The following TP73 variants were observed in gnomAD, a reference collection of about 807,000 sequenced individuals.
TP73 encodes tumor protein p73.
Under a neutral mutation model 62.5 loss-of-function variants are expected in TP73, and 25 were observed. The observed-to-expected ratio is 0.40, with a 90% CI of 0.29 to 0.56. TP73 has a LOEUF of 0.56. Among genes scored for constraint, TP73 ranks in the 20% least tolerant of loss-of-function variants. The pLI, the probability that TP73 is intolerant of heterozygous loss-of-function variation, is 0.46. For synonymous variants in TP73, 423 were observed against 377.5 expected (o/e 1.12, Z -1.40); for missense variants, 754 against 913.3 (o/e 0.83, Z 2.25).
At chr1:3,667,594 C>CA (rs1339809478) in intron 1 of TP73, among the ~76,000 whole-genome samples, 12 of 151,760 alleles carry the variant, frequency 7.9e-5, no homozygotes, top group East Asian at 1.9e-4. Flanking sequence ...ACTAAAAATA[C>CA]AAAAAATTAG....
At chr1:3,728,334 G>C in intron 9 of TP73, 117 bp downstream of exon 9, 1 of 1,072,198 alleles carries the variant, frequency 9.3e-7, no homozygotes. Flanking sequence ...GGCGGGAGGA[G>C]CCCAGCCCTG....
chr1:3,731,767 C>A (rs539403805), intron 13 of TP73, among the ~76,000 whole-genome samples: 1 of 152,226 alleles, frequency 6.6e-6, no homozygotes, highest in Non-Finnish European at 1.5e-5. Flanking sequence ...CCCAGGCCTC[C>A]GGATGCTGAA....
At chr1:3,712,214 T>C (rs898800416) in intron 4 of TP73, 5 of 152,260 alleles carry the variant, frequency 3.3e-5, no homozygotes, top group African/African-American at 9.6e-5. Flanking sequence ...GTTCTAACAA[T>C]GTTTATTGTG....
At chr1:3,729,718 G>A in intron 10 of TP73, 3 of 774,414 alleles carry the variant, frequency 3.9e-6, no homozygotes, top group South Asian at 1.5e-5. Context: ...GCCAGGAGGG[G>A]TGGCCAGAGT....
chr1:3,687,356 G>GC (rs1396538800), intron 3 of TP73, among the ~76,000 whole-genome samples: 2 of 152,150 alleles, frequency 1.3e-5, no homozygotes, highest in Admixed American at 1.3e-4. Flanking sequence ...GTCTGCCCTG[G>GC]CCACCCCCAC....
intron 1 of TP73, among the ~76,000 whole-genome samples, chr1:3,655,163 G>A (rs924334614): frequency 6.6e-6 from 1 of 152,214 alleles, no homozygotes; most frequent in African/African-American, 2.4e-5. Context: ...GAGGTGGGTG[G>A]ATCACTTGAG....
At chr1:3,717,025 C>T (rs1047997792) in intron 4 of TP73, among the ~76,000 whole-genome samples, 2 of 152,224 alleles carry the variant, frequency 1.3e-5, no homozygotes, top group Non-Finnish European at 2.9e-5. Flanking sequence ...TAAAAGCCCC[C>T]ACTGCAGGCC....
At chr1:3,673,447 G>C (rs747113866) in intron 1 of TP73, among the ~76,000 whole-genome samples, 1 of 152,236 alleles carries the variant, frequency 6.6e-6, no homozygotes, top group Non-Finnish European at 1.5e-5. Context: ...CCCAGATAGA[G>C]GAGTGCTTTC....
At chr1:3,702,778 G>A (rs573779699) in intron 3 of TP73, among the ~76,000 whole-genome samples, 63 of 152,358 alleles carry the variant, frequency 4.1e-4, no homozygotes, top group African/African-American at 1.1e-3. Flanking sequence ...GCCGCGGGCC[G>A]GGCGTGTCCT....
At chr1:3,706,355 C>A (rs528495101) in intron 3 of TP73, among the ~76,000 whole-genome samples, 1 of 148,306 alleles carries the variant, frequency 6.7e-6, no homozygotes, top group East Asian at 2.0e-4. Flanking sequence ...GGGACAATCA[C>A]GGTGCCCGCC....
rs1640056688 is a variant in TP73 at position 3,710,585 on chromosome 1, C to T, written c.429+2794C>T. The stretch of plus-strand genomic sequence containing the variant: ...TTCATATTTTTCTCAAGTACAAGTC[C>T]ACATTGGCTGCCGCCCTCCTTTCTC... On this transcript the variant is annotated intron_variant, in intron 4 of 13. Transcript: ENST00000378295. Among the ~76,000 whole-genome samples the T allele has an allele frequency of 2.0e-5, 3 of 152,220 alleles. No individual in the cohort carries two copies. In the South Asian group the frequency reaches 6.2e-4, roughly 31 times the overall value.
At chr1:3,725,472 G>A (rs1641433533) in intron 6 of TP73, among the ~76,000 whole-genome samples, 1 of 144,974 alleles carries the variant, frequency 6.9e-6, no homozygotes, top group South Asian at 2.3e-4. Context: ...GGGTGGGTGG[G>A]TGAGTGGATG....
chr1:3,682,518 C>A, intron 2 of TP73, 88 bp downstream of exon 2: 3 of 1,293,976 alleles, frequency 2.3e-6, no homozygotes, highest in Non-Finnish European at 3.1e-6. Flanking sequence ...CTAACTGGGC[C>A]AGAGCAGGAG....
intron 11 of TP73, among the ~76,000 whole-genome samples, 153 bp downstream of exon 11, chr1:3,730,301 G>C (rs544764255): frequency 6.2e-4 from 95 of 152,350 alleles, no homozygotes; most frequent in African/African-American, 2.2e-3. Context: ...AGGAGGCGCA[G>C]CCACGGATAG....
chr1:3,730,924 C>T lies in TP73; in HGVS notation c.1346-3C>T. ...CTGATGGCCCCACCTGCCTCTCACCCAGGCCCCGGGATGCTCAACAACCAT... is the reference window on the plus strand; with the variant it reads ...CTGATGGCCCCACCTGCCTCTCACCTAGGCCCCGGGATGCTCAACAACCAT... On this transcript the variant is annotated splice_polypyrimidine_tract_variant and splice_region_variant and intron_variant, in intron 11 of 13. Coordinates refer to ENST00000378295, the MANE Select transcript of TP73 (RefSeq NM_005427.4). 1 of 1,599,506 alleles carries T rather than the reference C, an allele frequency of 6.3e-7. No individual in the cohort carries two copies. The highest frequency in any genetic ancestry group is 1.3e-5 in the African/African-American group (1 of 74,714).
intron 3 of TP73, among the ~76,000 whole-genome samples, chr1:3,705,319 CCCTGGGCT>C (rs1639535855): frequency 6.6e-6 from 1 of 152,254 alleles, no homozygotes; most frequent in South Asian, 2.1e-4. Flanking sequence ...ATTCAGTGAA[CCCTGGGCT>C]CCTGGGAAGG....
chr1:3,731,917 G>A (rs1184283409), intron 13 of TP73, among the ~76,000 whole-genome samples: 1 of 152,212 alleles, frequency 6.6e-6, no homozygotes, highest in African/African-American at 2.4e-5. Flanking sequence ...TTACAGAGAG[G>A]TCAGCGCCAT....
intron 1 of TP73, chr1:3,668,823 C>A: frequency 6.6e-6 from 1 of 152,502 alleles, no homozygotes. Flanking sequence ...GAGTACAAAG[C>A]TGGGTGGAGA....
chr1:3,703,882 C>A (rs1261065900), intron 3 of TP73, among the ~76,000 whole-genome samples: 1 of 152,186 alleles, frequency 6.6e-6, no homozygotes, highest in Non-Finnish European at 1.5e-5. Flanking sequence ...GTCGTGCATC[C>A]CTGAGGCCAT....
Sources: gnomAD v4.1 joint callset for allele counts (sites outside exome capture counted in the v4.1 genomes callset) on GRCh38, gnomAD v4.1.1 for gene constraint, MANE v1.5 for transcripts, NCBI Gene and HGNC (gene_info 2026-07-23, HGNC 2026-07-21) for gene names.